STK32A: variants seen among roughly 807,000 people sequenced by gnomAD.
The protein encoded by STK32A is serine/threonine-protein kinase 32A.
In STK32A, 41 loss-of-function variants were observed where a neutral mutation model predicts 53.2. That is an observed-to-expected ratio of 0.77 (90% confidence interval 0.60 to 1.00). The LOEUF (loss-of-function observed/expected upper bound fraction) is 1.00. Ranked by LOEUF, STK32A falls within the 50% of genes least tolerant of loss-of-function variation. STK32A has a pLI of 0.00. For synonymous variants in STK32A, 166 were observed against 162.8 expected (o/e 1.02, Z -0.15); for missense variants, 458 against 485.8 (o/e 0.94, Z 0.54).
intron 7 of STK32A, among the ~76,000 whole-genome samples, chr5:147,357,064 CT>C (rs1336134869): frequency 6.6e-6 from 1 of 152,076 alleles, no homozygotes; most frequent in African/African-American, 2.4e-5. Flanking sequence ...TTAATTAGCT[CT>C]ATTCAGCCAT....
chr5:147,261,122 G>A (rs531466636), intron 2 of STK32A, among the ~76,000 whole-genome samples: 1 of 152,248 alleles, frequency 6.6e-6, no homozygotes, highest in South Asian at 2.1e-4. Flanking sequence ...ACAAGGGGAC[G>A]GGGTGCACCT....
At position 147,361,612 on chromosome 5, in the gene STK32A, C is replaced by G. The variant is rs774221294; in HGVS notation, c.658C>G (p.Arg220Gly). Residue 220 changes from arginine to glycine, a missense_variant and splice_region_variant, in exon 8 of 13, where the codon CGG becomes GGG. Coordinates refer to ENST00000397936, the MANE Select transcript of STK32A (RefSeq NM_001112724.2). ...GACGGCATATGAACTGCTGAGAGGC[C>G]GGGTACTGTAGTAGCATTTCCTCTT... ...GVTAYELLRG[R>G]RPYHIRSSTS... 1 of 1,604,026 alleles carries G rather than the reference C, an allele frequency of 6.2e-7. No individual in the cohort carries two copies. Among genetic ancestry groups the G allele is most frequent in the Non-Finnish European group, 8.5e-7 (1 of 1,171,574 alleles).
intron 2 of STK32A, among the ~76,000 whole-genome samples, chr5:147,243,491 C>T (rs1273206322): frequency 1.7e-5 from 1 of 58,562 alleles, no homozygotes; most frequent in Non-Finnish European, 3.9e-5. Flanking sequence ...GTAATCCCAG[C>T]ACTTCAGGAG....
At chr5:147,239,758 T>A in intron 2 of STK32A, 72 bp downstream of exon 2, 1 of 1,181,276 alleles carries the variant, frequency 8.5e-7, no homozygotes. Flanking sequence ...TCTAGTTTCA[T>A]AAGTTAAGCA....
chr5:147,366,797 T>C (rs1474004269), intron 8 of STK32A, among the ~76,000 whole-genome samples: 2 of 152,158 alleles, frequency 1.3e-5, no homozygotes, highest in African/African-American at 2.4e-5. Flanking sequence ...CTCATAAGGA[T>C]ACTCTATCTT....
intron 4 of STK32A, among the ~76,000 whole-genome samples, chr5:147,282,532 C>T (rs1011193663): frequency 2.6e-5 from 4 of 152,170 alleles, no homozygotes; most frequent in African/African-American, 9.7e-5. Flanking sequence ...CTACTATGTG[C>T]TGCCTTCAGG....
chr5:147,358,468 C>T (rs1382476104), intron 7 of STK32A, among the ~76,000 whole-genome samples: 1 of 152,146 alleles, frequency 6.6e-6, no homozygotes, highest in East Asian at 1.9e-4. Flanking sequence ...ATAGGAATCT[C>T]ACATGTATAG....
chr5:147,273,509 T>C (rs1234545578), intron 2 of STK32A, among the ~76,000 whole-genome samples: 3 of 152,230 alleles, frequency 2.0e-5, no homozygotes. Flanking sequence ...ACTCAAATAC[T>C]GGGTATGGCT....
chr5:147,309,544 C>G (rs1452294611), intron 4 of STK32A, among the ~76,000 whole-genome samples: 1 of 152,068 alleles, frequency 6.6e-6, no homozygotes, highest in Non-Finnish European at 1.5e-5. Flanking sequence ...TGAGTTTAAG[C>G]AGGATTGGAG....
At chr5:147,297,885 CAGG>C (rs1206569085) in intron 4 of STK32A, among the ~76,000 whole-genome samples, 1 of 150,226 alleles carries the variant, frequency 6.7e-6, no homozygotes, top group Non-Finnish European at 1.5e-5. Context: ...GAGGCTTAGG[CAGG>C]AGAATTGCTT....
In STK32A at chr5:147,311,711, T is replaced by C. The variant is rs144150102; in HGVS notation, c.261-12187T>C. ...CCTCCTAAGTAGCTGGGACTACAGG[T>C]GCATGCCACTATACTGGCTAATTTA... On this transcript the variant is annotated intron_variant, in intron 4 of 12. Transcript: ENST00000397936. 1.1e-3 allele frequency among the ~76,000 whole-genome samples: 174 copies of C among 152,184 alleles called. 2 individuals carry two copies. Among genetic ancestry groups the C allele is most frequent in the African/African-American group, 4.0e-3 (168 of 41,522 alleles).
At chr5:147,363,793 G>A (rs1249314683) in intron 8 of STK32A, among the ~76,000 whole-genome samples, 3 of 152,076 alleles carry the variant, frequency 2.0e-5, no homozygotes, top group East Asian at 3.9e-4. Flanking sequence ...TCTGCAATAT[G>A]GATAGAAATC....
chr5:147,393,901 C>T, the STK32A span: 1 of 876,250 alleles, frequency 1.1e-6, no homozygotes, highest in African/African-American at 1.7e-5. Context: ...ATTGGAGAAA[C>T]ATAAGGCTTG....
chr5:147,280,669 C>T (rs2151955716), intron 4 of STK32A, among the ~76,000 whole-genome samples: 1 of 151,822 alleles, frequency 6.6e-6, no homozygotes, highest in South Asian at 2.1e-4. Flanking sequence ...TCAGAGACAC[C>T]TAGCCCTGCC....
chr5:147,254,964 C>T (rs1314567605), intron 2 of STK32A, among the ~76,000 whole-genome samples: 2 of 152,002 alleles, frequency 1.3e-5, no homozygotes, highest in African/African-American at 4.8e-5. Flanking sequence ...ACGGTGAAAC[C>T]CCGTCTCTAC....
At chr5:147,380,184 T>C (rs963721109) in intron 11 of STK32A, among the ~76,000 whole-genome samples, 3 of 152,194 alleles carry the variant, frequency 2.0e-5, no homozygotes, top group Admixed American at 2.0e-4. Context: ...TGCTAAAAAT[T>C]ATTTTTCCTA....
At chr5:147,287,719 C>T (rs1311436803) in intron 4 of STK32A, among the ~76,000 whole-genome samples, 1 of 152,108 alleles carries the variant, frequency 6.6e-6, no homozygotes. Flanking sequence ...GCAGCTCTTT[C>T]TTCCCTACCC....
intron 4 of STK32A, among the ~76,000 whole-genome samples, chr5:147,285,848 T>G (rs1345041478): frequency 2.0e-5 from 3 of 152,132 alleles, no homozygotes; most frequent in Non-Finnish European, 4.4e-5. Context: ...CTGGTGGGAA[T>G]GTAAACTAGT....
intron 4 of STK32A, among the ~76,000 whole-genome samples, chr5:147,289,855 A>G (rs1752520010): frequency 6.6e-6 from 1 of 152,160 alleles, no homozygotes; most frequent in African/African-American, 2.4e-5. Flanking sequence ...ATTAGCCTCA[A>G]TCATTCCTTC....
Sources: allele counts gnomAD v4.1 joint callset (sites outside exome capture counted in the v4.1 genomes callset), GRCh38; gene constraint gnomAD v4.1.1; transcripts MANE v1.5; gene names NCBI Gene and HGNC (gene_info 2026-07-23, HGNC 2026-07-21).